Variants in FBXL17 observed in about 807,000 individuals in gnomAD.
FBXL17 encodes the protein F-box and leucine rich repeat protein 17, also known as F-box/LRR-repeat protein 17.
Under a neutral mutation model 66.2 loss-of-function variants are expected in FBXL17, and 22 were observed. The ratio of observed to expected loss-of-function variants is 0.33; its 90% CI spans 0.24 to 0.47. The LOEUF (loss-of-function observed/expected upper bound fraction) is 0.47. Ranked by LOEUF, FBXL17 falls within the 20% of genes least tolerant of loss-of-function variation. The pLI, the probability that FBXL17 is intolerant of heterozygous loss-of-function variation, is 1.00. For missense variants in FBXL17, 878 were observed against 948.2 expected, an observed-to-expected ratio of 0.93 and a Z score of 0.97; for synonymous variants, 474 against 400.5, an observed-to-expected ratio of 1.18 and a Z score of -2.19.
At chr5:108,010,275 GACAA>G (rs1667826969) in intron 7 of FBXL17, among the ~76,000 whole-genome samples, 1 of 152,134 alleles carries the variant, frequency 6.6e-6, no homozygotes. Flanking sequence ...GAATATTTGA[GACAA>G]ACAAAATCAG....
At chr5:107,907,580 A>G (rs941159203) in intron 7 of FBXL17, among the ~76,000 whole-genome samples, 1 of 152,172 alleles carries the variant, frequency 6.6e-6, no homozygotes, top group African/African-American at 2.4e-5. Context: ...TCTACAATGA[A>G]CTCAAACAAA....
intron 4 of FBXL17, among the ~76,000 whole-genome samples, chr5:108,307,498 G>A (rs1268081196): frequency 1.3e-5 from 2 of 151,914 alleles, no homozygotes; most frequent in East Asian, 3.9e-4. Flanking sequence ...TGTAGACACA[G>A]GGTCTCACTA....
rs970191823 is a variant in FBXL17 at position 108,073,259 on chromosome 5, T to C, written c.1746-52258A>G. Among the ~76,000 whole-genome samples the C allele has an allele frequency of 5.9e-5, 9 of 152,204 alleles. No individual in the cohort carries two copies. In the East Asian group the frequency reaches 1.7e-3, roughly 29 times the overall value. On this transcript the variant is annotated intron_variant, in intron 6 of 8. Transcript: ENST00000542267. Reference sequence around the variant, plus strand: ...GATAAAAATCTGAACCACATTGGTTTTGAAATTTAGCGCTAAAGTGGGGAC... The same window carrying C: ...GATAAAAATCTGAACCACATTGGTTCTGAAATTTAGCGCTAAAGTGGGGAC...
rs114373193 is a variant in FBXL17, at chr5:108,295,506, G to A, written c.1506+52893C>T. On this transcript the variant is annotated intron_variant, in intron 4 of 8. Coordinates refer to ENST00000542267, the MANE Select transcript of FBXL17 (RefSeq NM_001163315.3). ...GAGGAGCTAAGAATTGAACCCAGAC[G>A]GTCTGCTCCAGAGTCCATACTTTTT... 3.0e-3 allele frequency among the ~76,000 whole-genome samples: 461 copies of A among 151,936 alleles called. 2 individuals carry two copies. Among genetic ancestry groups the A allele is most frequent in the African/African-American group, 0.01 (435 of 41,478 alleles).
intron 4 of FBXL17, among the ~76,000 whole-genome samples, chr5:108,278,811 C>T (rs1275172498): frequency 6.6e-6 from 1 of 152,200 alleles, no homozygotes; most frequent in African/African-American, 2.4e-5. Flanking sequence ...CATGGCCTCC[C>T]CATCACAGCT....
At chr5:108,102,067 C>T (rs973812997) in intron 6 of FBXL17, among the ~76,000 whole-genome samples, 6 of 152,056 alleles carry the variant, frequency 3.9e-5, no homozygotes, top group South Asian at 2.1e-4. Context: ...GAGCTGAATT[C>T]GTTTCGGCAG....
Position 108,186,174 on chromosome 5 carries a change from T to C in FBXL17, c.1688A>G (p.Lys563Arg), listed in dbSNP as rs747271913. 1 of 1,612,960 alleles carries C rather than the reference T, an allele frequency of 6.2e-7. No individual in the cohort carries two copies. The highest frequency in any genetic ancestry group is 8.5e-7 in the Non-Finnish European group (1 of 1,179,070). The change falls in exon 6 of 9, where the codon AAG becomes AGG. Residue 563 changes from lysine to arginine, a missense_variant. Lys to Arg is a conservative substitution (Grantham distance 26). Coordinates refer to ENST00000542267, the MANE Select transcript of FBXL17 (RefSeq NM_001163315.3). ...LDNETVMEIV[K>R]RCKNLSSLNL... ...GAGAGAGCTAAGATTTTTGCACCTC[T>C]TGACAATTTCCATCACGGTTTCATT...
At chr5:108,050,832 G>A (rs576015972) in intron 6 of FBXL17, among the ~76,000 whole-genome samples, 1 of 149,654 alleles carries the variant, frequency 6.7e-6, no homozygotes, top group Admixed American at 6.6e-5. Context: ...GAAGAAAAGA[G>A]AGAAAAATCA....
chr5:108,084,871 T>C (rs1331257904), intron 6 of FBXL17, among the ~76,000 whole-genome samples: 1 of 152,358 alleles, frequency 6.6e-6, no homozygotes, highest in Non-Finnish European at 1.5e-5. Flanking sequence ...CAGATGGGAC[T>C]AGAAACTTCT....
At chr5:107,966,664 A>G (rs995325504) in intron 7 of FBXL17, among the ~76,000 whole-genome samples, 19 of 152,030 alleles carry the variant, frequency 1.2e-4, no homozygotes, top group African/African-American at 4.6e-4. Context: ...TCATTCCTTT[A>G]CAAAATTTGT....
intron 7 of FBXL17, among the ~76,000 whole-genome samples, chr5:107,996,313 T>TTTTG (rs971617100): frequency 1.3e-5 from 2 of 152,148 alleles, no homozygotes; most frequent in African/African-American, 4.8e-5. Context: ...TGACACTATT[T>TTTTG]TTTGTTTGTT....
intron 6 of FBXL17, among the ~76,000 whole-genome samples, chr5:108,117,031 G>T (rs1180480813): frequency 1.3e-5 from 2 of 152,160 alleles, no homozygotes; most frequent in African/African-American, 4.8e-5. Flanking sequence ...CTGACACATT[G>T]GGAAATCGAC....
chr5:108,360,006 T>A (rs1165248657), intron 3 of FBXL17, among the ~76,000 whole-genome samples: 2 of 152,162 alleles, frequency 1.3e-5, no homozygotes, highest in Non-Finnish European at 2.9e-5. Context: ...AATTGCTACA[T>A]CTTCCTGAAA....
intron 4 of FBXL17, among the ~76,000 whole-genome samples, chr5:108,331,282 A>G (rs533997473): frequency 6.6e-6 from 1 of 152,332 alleles, no homozygotes; most frequent in Middle Eastern, 3.4e-3. Flanking sequence ...ATGAAGGCAG[A>G]TATGAGCACA....
intron 7 of FBXL17, among the ~76,000 whole-genome samples, chr5:107,939,533 T>C (rs943668373): frequency 8.5e-5 from 13 of 152,126 alleles, no homozygotes; most frequent in South Asian, 2.1e-4. Flanking sequence ...CATGAAGTAT[T>C]AGTGTGTATC....
chr5:108,142,123 T>A (rs1011377565), intron 6 of FBXL17, among the ~76,000 whole-genome samples: 2 of 152,188 alleles, frequency 1.3e-5, no homozygotes, highest in African/African-American at 4.8e-5. Context: ...GATAAGCATA[T>A]ATAAACAAAA....
At chr5:108,016,882 C>T (rs1754409168) in intron 7 of FBXL17, among the ~76,000 whole-genome samples, 1 of 151,516 alleles carries the variant, frequency 6.6e-6, no homozygotes, top group Non-Finnish European at 1.5e-5. Context: ...CAGGTTCAAG[C>T]AATTTTCCTG....
Position 108,380,971 on chromosome 5 carries a change from G to C in FBXL17, c.721C>G (p.Arg241Gly), listed in dbSNP as rs1749835887. The C allele has an allele frequency of 8.2e-7, 1 of 1,217,590 alleles. No individual in the cohort carries two copies. The highest frequency in any genetic ancestry group is 1.0e-6 in the Non-Finnish European group (1 of 978,048). 75.4% of individuals were successfully genotyped at this position (1,217,590 alleles called of 1,614,324 possible). A position where few individuals can be genotyped will look rare whatever the true frequency, so the allele number is the denominator to read the frequency against. ...TGGCAGCAGCCGGCGTCGGGGGGCC[G>C]GGGCGGCGAAGCGCCTCCCCCCGCA... ...GPAGGGASPP[R>G]PPDAGCCQAP... The change falls in exon 1 of 9, where the codon CGG becomes GGG. Residue 241 changes from arginine to glycine, a missense_variant. Coordinates refer to ENST00000542267, the MANE Select transcript of FBXL17 (RefSeq NM_001163315.3).
chr5:107,989,510 T>TGA (rs1232898491), intron 7 of FBXL17, among the ~76,000 whole-genome samples: 1 of 152,190 alleles, frequency 6.6e-6, no homozygotes, highest in African/African-American at 2.4e-5. Context: ...CCATTGTGAA[T>TGA]ATGCACCATG....
Sources: allele counts gnomAD v4.1 joint callset (sites outside exome capture counted in the v4.1 genomes callset), GRCh38; gene constraint gnomAD v4.1.1; transcripts MANE v1.5; gene names NCBI Gene and HGNC (gene_info 2026-07-23, HGNC 2026-07-21).